The following UBR2 variants were observed in gnomAD, a reference collection of about 807,000 sequenced individuals.
UBR2 encodes the protein ubiquitin protein ligase E3 component n-recognin 2.
Under a neutral mutation model 247.9 loss-of-function variants are expected in UBR2, and 92 were observed. The ratio of observed to expected loss-of-function variants is 0.37; its 90% confidence interval spans 0.31 to 0.44. The LOEUF (loss-of-function observed/expected upper bound fraction) is 0.44, where lower values mean the gene tolerates loss of function less well. Among genes scored for constraint, UBR2 ranks in the 20% least tolerant of loss-of-function variants. UBR2 has a pLI of 1.00. For missense variants in UBR2, 1,613 were observed against 2,112.6 expected, an observed-to-expected ratio of 0.76 and a Z score of 4.64; for synonymous variants, 672 against 693.5, an observed-to-expected ratio of 0.97 and a Z score of 0.49.
chr6:42,604,128 C>A (rs1449342032), intron 5 of UBR2, among the ~76,000 whole-genome samples: 1 of 152,134 alleles, frequency 6.6e-6, no homozygotes, highest in Non-Finnish European at 1.5e-5. Context: ...CAATTTTAAT[C>A]ATTTTGATTC....
intron 1 of UBR2, among the ~76,000 whole-genome samples, chr6:42,567,754 G>A (rs1403072736): frequency 6.6e-6 from 1 of 152,004 alleles, no homozygotes; most frequent in African/African-American, 2.4e-5. Context: ...AAGAAATACA[G>A]GTTGGGAGCA....
intron 23 of UBR2, among the ~76,000 whole-genome samples, chr6:42,651,692 C>T (rs929277820): frequency 1.3e-5 from 2 of 151,976 alleles, no homozygotes; most frequent in Admixed American, 6.6e-5. Flanking sequence ...GGATTCTCCG[C>T]GTTGGCCAGG....
chr6:42,592,372 A>G, intron 3 of UBR2, 143 bp downstream of exon 3: 3 of 546,380 alleles, frequency 5.5e-6, no homozygotes, highest in African/African-American at 2.0e-5. Context: ...ACCATTGGAT[A>G]TAGGGTGCCA....
At chr6:42,688,489 T>C in intron 45 of UBR2, 103 bp downstream of exon 45, 1 of 1,318,772 alleles carries the variant, frequency 7.6e-7, no homozygotes, top group Non-Finnish European at 1.0e-6. Context: ...GAGACTACTG[T>C]TCCGTGTGAT....
intron 4 of UBR2, among the ~76,000 whole-genome samples, chr6:42,598,496 C>T (rs889957121): frequency 5.3e-5 from 8 of 152,126 alleles, no homozygotes; most frequent in Admixed American, 5.2e-4. Flanking sequence ...GTTCCCACTC[C>T]CTAGATGTCA....
intron 4 of UBR2, among the ~76,000 whole-genome samples, chr6:42,595,280 T>C (rs1792896599): frequency 6.6e-6 from 1 of 152,228 alleles, no homozygotes; most frequent in Admixed American, 6.5e-5. Context: ...TGTTCTTGTA[T>C]CCGTTAGCCA....
intron 2 of UBR2, among the ~76,000 whole-genome samples, chr6:42,586,402 G>A (rs1289740110): frequency 6.6e-6 from 1 of 152,198 alleles, no homozygotes; most frequent in Non-Finnish European, 1.5e-5. Flanking sequence ...CGGCAACATG[G>A]TCAGTCTTAT....
In UBR2 at chr6:42,619,430, TATATATATATATATATATATA is replaced by T. The variant is rs1286373222; in HGVS notation, c.1281+1924_1281+1944del. 2.3e-3 allele frequency: 42 copies of T among 18,174 alleles called. 4 individuals are homozygous for T. The highest frequency in any genetic ancestry group is 0.012 in the South Asian group (7 of 582). 1.1% of individuals were successfully genotyped at this position (18,174 alleles called of 1,614,324 possible). On this transcript the variant is annotated intron_variant, in intron 11 of 46. Coordinates refer to ENST00000372901, the MANE Select transcript of UBR2 (RefSeq NM_001363705.2). ...TTATGAACATATATATATATATATA[TATATATATATATATATATATA>T]TATTTTTTTTTTTTAGTTCTCTATC...
chr6:42,571,922 C>T (rs1791173925), intron 1 of UBR2, among the ~76,000 whole-genome samples: 1 of 151,696 alleles, frequency 6.6e-6, no homozygotes, highest in Non-Finnish European at 1.5e-5. Context: ...AAAACTTGTC[C>T]TCTTTATAAT....
intron 11 of UBR2, among the ~76,000 whole-genome samples, chr6:42,622,420 G>A (rs1235012384): frequency 8.5e-6 from 1 of 117,720 alleles, no homozygotes; most frequent in South Asian, 2.8e-4. Flanking sequence ...TTTTTTTTTT[G>A]AGACAGAACC....
chr6:42,582,260 G>A (rs1204789673), intron 2 of UBR2, among the ~76,000 whole-genome samples: 1 of 142,506 alleles, frequency 7.0e-6, no homozygotes, highest in Non-Finnish European at 1.5e-5. Context: ...TCCAGCCTGG[G>A]CAACAGGGCG....
chr6:42,596,773 A>C (rs1793003476), intron 4 of UBR2, among the ~76,000 whole-genome samples: 1 of 152,190 alleles, frequency 6.6e-6, no homozygotes, highest in South Asian at 2.1e-4. Context: ...AAATATTCAG[A>C]ATAGGTAAAT....
In UBR2 at chr6:42,659,552, C is replaced by CACT; in HGVS notation, c.3243-102_3243-101insTAC. 1 of 793,074 alleles carries CACT rather than the reference C, an allele frequency of 1.3e-6. No homozygotes were observed. The highest frequency in any genetic ancestry group is 1.8e-5 in the African/African-American group (1 of 55,266). The allele number at this position is 793,074 out of a possible 1,614,324, so 49.1% of individuals were successfully genotyped here. ...ACACACACACACACACACACACACA[C>CACT]ACACACACACTACACACACACACAC... On this transcript the variant is annotated intron_variant, in intron 29 of 46. Coordinates refer to ENST00000372901, the MANE Select transcript of UBR2 (RefSeq NM_001363705.2). This position sits in a 1 kb window ranked among gnomAD's most constrained non-coding sequence, Gnocchi z 4.3.
chr6:42,660,103 C>T (rs1797715276), intron 30 of UBR2, among the ~76,000 whole-genome samples: 3 of 152,166 alleles, frequency 2.0e-5, no homozygotes, highest in Admixed American at 2.0e-4. Context: ...TGTAACATTA[C>T]ATACTTTGGC....
Position 42,612,281 on chromosome 6 carries a change from T to C in UBR2, c.975T>C (p.Ile325=), listed in dbSNP as rs1304231306. 2 of 1,515,052 alleles carry C rather than the reference T, an allele frequency of 1.3e-6. No homozygotes were observed. The highest frequency in any genetic ancestry group is 3.4e-5 in the Admixed American group (2 of 58,788). 93.9% of individuals were successfully genotyped at this position (1,515,052 alleles called of 1,614,324 possible). The change falls in exon 8 of 47, where the codon ATT becomes ATC. Residue 325 remains isoleucine (I), a synonymous_variant. Transcript: ENST00000372901. ...TTTTGTCTTGGCTGGGAAGTATTATTGGATATTCAGGTAGGTTCATAAAAG... is the reference window on the plus strand; with the variant it reads ...TTTTGTCTTGGCTGGGAAGTATTATCGGATATTCAGGTAGGTTCATAAAAG... The part of the protein sequence containing the change: ...LKLLSWLGSI[I]GYSDGLRRIL...
At chr6:42,601,687 T>TC (rs1793371565) in intron 4 of UBR2, among the ~76,000 whole-genome samples, 1 of 39,096 alleles carries the variant, frequency 2.6e-5, no homozygotes, top group Non-Finnish European at 4.5e-5. Flanking sequence ...AAACTCTAGC[T>TC]CAAAAAAAAA....
chr6:42,657,234 C>CAA (rs35892798), intron 26 of UBR2, among the ~76,000 whole-genome samples: 2,089 of 87,946 alleles, frequency 0.024, 53 homozygotes, highest in African/African-American at 0.097. Context: ...GACTCTGTCT[C>CAA]AAAAAAAAAA....
chr6:42,587,862 G>T (rs1170258745), intron 2 of UBR2, among the ~76,000 whole-genome samples: 1 of 92,294 alleles, frequency 1.1e-5, no homozygotes, highest in Non-Finnish European at 2.1e-5. Context: ...TTTTTATTTT[G>T]CACTTATTTT....
intron 43 of UBR2, among the ~76,000 whole-genome samples, chr6:42,683,754 C>T (rs754464895): frequency 6.6e-6 from 1 of 152,202 alleles, no homozygotes; most frequent in African/African-American, 2.4e-5. Flanking sequence ...AGTAGAGATA[C>T]TCAACCTGGA....
Sources: allele counts gnomAD v4.1 joint callset (sites outside exome capture counted in the v4.1 genomes callset), GRCh38; gene constraint gnomAD v4.1.1; non-coding constraint Gnocchi (gnomAD v3.1); transcripts MANE v1.5; gene names NCBI Gene and HGNC (gene_info 2026-07-23, HGNC 2026-07-21).